Variants in MYO5C observed in about 807,000 individuals in gnomAD.
MYO5C encodes myosin VC.
In MYO5C, 194 loss-of-function variants were observed where a neutral mutation model predicts 235.7. The observed-to-expected ratio is 0.82, with a 90% CI of 0.73 to 0.93. MYO5C has a LOEUF of 0.93. MYO5C is among the 40% of genes least tolerant of loss of function. MYO5C has a pLI of 0.00. For synonymous variants in MYO5C, 707 were observed against 754.8 expected (o/e 0.94, Z 1.04); for missense variants, 2,038 against 2,127.2 (o/e 0.96, Z 0.82).
chr15:52,252,856 C>T (rs1250711003), intron 12 of MYO5C, among the ~76,000 whole-genome samples: 1 of 152,090 alleles, frequency 6.6e-6, no homozygotes, highest in Non-Finnish European at 1.5e-5. Flanking sequence ...CCATGAGAGA[C>T]ACTGCCAGGC....
At chr15:52,289,907 C>CA (rs2037351808) in intron 1 of MYO5C, among the ~76,000 whole-genome samples, 1 of 152,210 alleles carries the variant, frequency 6.6e-6, no homozygotes, top group Non-Finnish European at 1.5e-5. Flanking sequence ...TGGAACATGG[C>CA]AGGCCTTCTT....
At chr15:52,291,063 TA>T (rs1238848338) in intron 1 of MYO5C, among the ~76,000 whole-genome samples, 1 of 152,148 alleles carries the variant, frequency 6.6e-6, no homozygotes, top group African/African-American at 2.4e-5. Flanking sequence ...ACCCAGTTAG[TA>T]AGGGGCAGGA....
At chr15:52,263,009 T>G (rs1235176490) in intron 9 of MYO5C, among the ~76,000 whole-genome samples, 3 of 152,010 alleles carry the variant, frequency 2.0e-5, no homozygotes, top group Non-Finnish European at 4.4e-5. Context: ...CTGCTCTCTC[T>G]CCACCATGAG....
At chr15:52,280,346 T>A (rs1441475853) in intron 2 of MYO5C, among the ~76,000 whole-genome samples, 2 of 152,230 alleles carry the variant, frequency 1.3e-5, no homozygotes, top group Non-Finnish European at 2.9e-5. Context: ...CCAAGGAATT[T>A]TCCCAGGCTT....
intron 38 of MYO5C, among the ~76,000 whole-genome samples, chr15:52,201,824 G>GT (rs1383006327): frequency 6.6e-6 from 1 of 151,628 alleles, no homozygotes; most frequent in Non-Finnish European, 1.5e-5. Context: ...ACTTGATGTG[G>GT]TAAGATATTG....
At position 52,237,476 on chromosome 15, in the gene MYO5C, G is replaced by A. The variant is rs1168206876; in HGVS notation, c.2868+6C>T. On this transcript the variant is annotated splice_donor_region_variant and intron_variant, in intron 22 of 40. Transcript: ENST00000261839. ...TTCCATCCCGTCTCACACGCCCGCAGCTGACCTCTTCCACAGCATCCCTGT... is the reference window on the plus strand; with the variant it reads ...TTCCATCCCGTCTCACACGCCCGCAACTGACCTCTTCCACAGCATCCCTGT... 3.1e-6 allele frequency: 5 copies of A among 1,613,354 alleles called. No individual in the cohort carries two copies. Among genetic ancestry groups the A allele is most frequent in the Non-Finnish European group, 4.2e-6 (5 of 1,179,730 alleles).
At chr15:52,196,253 C>T in intron 39 of MYO5C, 56 bp downstream of exon 39, 4 of 1,505,314 alleles carry the variant, frequency 2.7e-6, no homozygotes, top group Non-Finnish European at 3.6e-6. Context: ...AAGGCAATGC[C>T]CACTGCACTG....
intron 1 of MYO5C, among the ~76,000 whole-genome samples, chr15:52,293,287 C>T (rs1052414573): frequency 6.6e-6 from 1 of 152,134 alleles, no homozygotes; most frequent in Non-Finnish European, 1.5e-5. Context: ...CTTCCTCTCA[C>T]TCCTTGCACA....
rs1267463324 is a variant in MYO5C, at chr15:52,242,057, C to A, written c.2547G>T (p.Arg849Ser). 6.2e-7 allele frequency: 1 copy of A among 1,611,154 alleles called. No individual in the cohort carries two copies. Among genetic ancestry groups the A allele is most frequent in the Non-Finnish European group, 8.5e-7 (1 of 1,178,556 alleles). ...CAGAGGTTGGCCTCACCTTTCGATA[C>A]CTCCTCCTTGCCAGGAATCCTCGGC... ...AYSRGFLARRRYRKMLEEHKA... is the reference protein window; with the variant it reads ...AYSRGFLARRSYRKMLEEHKA... Residue 849 changes from arginine (R) to serine (S), a missense_variant, in exon 20 of 41, where the codon AGG (arginine) becomes AGT (serine). Coordinates refer to ENST00000261839, the MANE Select transcript of MYO5C (RefSeq NM_018728.4).
intron 15 of MYO5C, 29 bp downstream of exon 15, chr15:52,247,429 C>T: frequency 2.5e-6 from 4 of 1,611,500 alleles, no homozygotes; most frequent in African/African-American, 1.3e-5. Flanking sequence ...TGCCTTTAGA[C>T]CCCTCACTCT....
Position 52,295,629 on chromosome 15 carries a change from ACCG to A in MYO5C, c.5_7del (p.Ala2del). 6.7e-7 allele frequency: 1 copy of A among 1,484,240 alleles called. No homozygotes were observed. The highest frequency in any genetic ancestry group is 8.9e-7 in the Non-Finnish European group (1 of 1,120,040). 91.9% of individuals were successfully genotyped at this position (1,484,240 alleles called of 1,614,324 possible). ...TCCTACCTGCGTGTACAGCTCGGCCACCGCCATGGGCAGGAGGGGCCGGGGCCA... is the reference window on the plus strand; with the variant it reads ...TCCTACCTGCGTGTACAGCTCGGCCACCATGGGCAGGAGGGGCCGGGGCCA... On this transcript the variant is annotated inframe_deletion, in exon 1 of 41. Coordinates refer to ENST00000261839, the MANE Select transcript of MYO5C (RefSeq NM_018728.4).
At chr15:52,230,826 CTTTT>C (rs67197964) in intron 24 of MYO5C, among the ~76,000 whole-genome samples, 4 of 128,600 alleles carry the variant, frequency 3.1e-5, no homozygotes, top group Non-Finnish European at 1.6e-5. Context: ...AGAAGTCTTC[CTTTT>C]TTTTTTTTTT....
rs1338250651 is a variant in MYO5C, at chr15:52,202,738, C to A, written c.4820+2127G>T. Reference sequence around the variant, plus strand: ...ACCCCTTTCTATCTGAAAACCATGCCCTGCTGTCATGAGAATTTGTGGGAA... The same window carrying A: ...ACCCCTTTCTATCTGAAAACCATGCACTGCTGTCATGAGAATTTGTGGGAA... On this transcript the variant is annotated intron_variant, in intron 38 of 40. Transcript: ENST00000261839. Among the ~76,000 whole-genome samples, 4 of 152,158 alleles carry A rather than the reference C, an allele frequency of 2.6e-5. No homozygotes were observed. The East Asian group carries it at 7.7e-4, about 29-fold the overall frequency.
chr15:52,205,711 T>G (rs1412193130), intron 37 of MYO5C, 105 bp downstream of exon 37: 1 of 643,898 alleles, frequency 1.6e-6, no homozygotes, highest in Non-Finnish European at 2.4e-6. Context: ...TCCTTGGCTT[T>G]TTAAACAATG....
At position 52,251,511 on chromosome 15, in the gene MYO5C, G is replaced by A. The variant is rs749144135; in HGVS notation, c.1541C>T (p.Pro514Leu). ...LELLDEECLL[P>L]HGTDENWLQK... The stretch of plus-strand genomic sequence containing the variant: ...AAGCCAGTTTTCATCAGTTCCATGT[G>A]GTAACTGGAAAAGAAAAATAAACCA... The change falls in exon 13 of 41, where the codon CCA becomes CTA. Residue 514 changes from proline to leucine, a missense_variant. Physicochemically the swap from Pro to Leu is moderately conservative, Grantham distance 98. Coordinates refer to ENST00000261839, the MANE Select transcript of MYO5C (RefSeq NM_018728.4). 6.9e-6 allele frequency: 11 copies of A among 1,589,378 alleles called. No individual in the cohort carries two copies. Among genetic ancestry groups the A allele is most frequent in the East Asian group, 2.3e-5 (1 of 43,962 alleles).
At chr15:52,216,985 C>A (rs919806491) in intron 32 of MYO5C, among the ~76,000 whole-genome samples, 4 of 152,202 alleles carry the variant, frequency 2.6e-5, no homozygotes, top group African/African-American at 9.7e-5. Flanking sequence ...TCCTTAGAGA[C>A]TTCGGAGGAG....
In MYO5C at chr15:52,256,589, G is replaced by GCGCGCGCGCGCGCGCA. The variant is rs1555417671; in HGVS notation, c.1395+49_1395+50insTGCGCGCGCGCGCGCG. On this transcript the variant is annotated intron_variant, in intron 11 of 40. Coordinates refer to ENST00000261839, the MANE Select transcript of MYO5C (RefSeq NM_018728.4). ...CACACACACACACACACACACACAC[G>GCGCGCGCGCGCGCGCA]CGCGCGCGCGCGGCTGAGAACTAGT... is the stretch of plus-strand genomic sequence containing the variant. The GCGCGCGCGCGCGCGCA allele has an allele frequency of 2.9e-5, 12 of 418,126 alleles. No individual in the cohort carries two copies. In the East Asian group the frequency reaches 5.9e-4, roughly 20 times the overall value. 25.9% of individuals were successfully genotyped at this position (418,126 alleles called of 1,614,324 possible).
chr15:52,221,237 G>A lies in MYO5C; in HGVS notation c.3646C>T (p.Gln1216Ter). 1 of 1,611,268 alleles carries A rather than the reference G, an allele frequency of 6.2e-7. No individual in the cohort carries two copies. Among genetic ancestry groups the A allele is most frequent in the East Asian group, 2.2e-5 (1 of 44,832 alleles). Reference sequence around the variant, plus strand: ...TGTTTCTCCAATTCTGAAATTTGCTGTTTAAAGTCTGGGATCATCTTTAGA... The same window carrying A: ...TGTTTCTCCAATTCTGAAATTTGCTATTTAAAGTCTGGGATCATCTTTAGA... ...SENMMIPDFK[Q>*]QISELEKQKQ... The change falls in exon 30 of 41, where the codon CAG becomes TAG. Residue 1216 changes from glutamine (Q) to a stop codon, truncating the protein, a stop_gained. Coordinates refer to ENST00000261839, the MANE Select transcript of MYO5C (RefSeq NM_018728.4). LOFTEE classifies it high-confidence loss of function.
intron 1 of MYO5C, among the ~76,000 whole-genome samples, chr15:52,294,652 TGGTGTATAGG>T (rs2037460909): frequency 6.6e-6 from 1 of 151,972 alleles, no homozygotes; most frequent in African/African-American, 2.4e-5. Flanking sequence ...TTTCCCCAAC[TGGTGTATAGG>T]AGGATCAGGC....
Sources: gnomAD v4.1 joint callset for allele counts (sites outside exome capture counted in the v4.1 genomes callset) on GRCh38, gnomAD v4.1.1 for gene constraint, MANE v1.5 for transcripts, NCBI Gene and HGNC (gene_info 2026-07-23, HGNC 2026-07-21) for gene names.